SGIP1: variants seen among roughly 807,000 people sequenced by gnomAD.
SGIP1 encodes SH3GL interacting endocytic adaptor 1, also known as SH3-containing GRB2-like protein 3-interacting protein 1.
A neutral mutation model predicts 107.5 loss-of-function variants in SGIP1; 38 were observed. That is an observed-to-expected ratio of 0.35 (90% CI 0.27 to 0.46). The LOEUF is 0.46. Ranked by LOEUF, SGIP1 falls within the 20% of genes least tolerant of loss-of-function variation. The pLI is 1.00. For synonymous variants in SGIP1, 365 were observed against 366.1 expected (o/e 1.00, Z 0.03); for missense variants, 929 against 1,019.5 (o/e 0.91, Z 1.21).
intron 1 of SGIP1, among the ~76,000 whole-genome samples, chr1:66,568,611 G>C (rs1379282560): frequency 6.6e-6 from 1 of 151,976 alleles, no homozygotes; most frequent in Non-Finnish European, 1.5e-5. Context: ...TGCCTACTTA[G>C]TATGATATCA....
intron 4 of SGIP1, 70 bp downstream of exon 4, chr1:66,636,085 A>C: frequency 6.9e-7 from 1 of 1,446,246 alleles, no homozygotes; most frequent in Non-Finnish European, 9.6e-7. Flanking sequence ...TCCCAATTTA[A>C]AATTTGGAAA....
chr1:66,727,251 T>C (rs1275541065), intron 19 of SGIP1, among the ~76,000 whole-genome samples: 2 of 152,166 alleles, frequency 1.3e-5, no homozygotes, highest in African/African-American at 4.8e-5. Flanking sequence ...ATTTAAAAAC[T>C]TGGCAGACAG....
At chr1:66,656,821 G>T (rs6656705) in intron 7 of SGIP1, among the ~76,000 whole-genome samples, 39,969 of 151,920 alleles carry the variant, frequency 0.26, 5,353 homozygotes, top group Admixed American at 0.28. Flanking sequence ...CCAACCAGTC[G>T]TAAATAACTG....
At chr1:66,588,333 G>T (rs1408633361) in intron 1 of SGIP1, among the ~76,000 whole-genome samples, 1 of 152,042 alleles carries the variant, frequency 6.6e-6, no homozygotes, top group Non-Finnish European at 1.5e-5. Flanking sequence ...TAGTATCTCT[G>T]GGAAGGTACT....
intron 1 of SGIP1, among the ~76,000 whole-genome samples, chr1:66,548,493 C>G (rs1374412432): frequency 7.2e-5 from 11 of 151,932 alleles, no homozygotes; most frequent in Admixed American, 7.2e-4. Flanking sequence ...GACATGCTGA[C>G]AGCTGAAAAA....
chr1:66,584,539 G>A (rs567906861), intron 1 of SGIP1, among the ~76,000 whole-genome samples: 18 of 151,172 alleles, frequency 1.2e-4, no homozygotes, highest in African/African-American at 4.1e-4. Flanking sequence ...TGATCTAAAT[G>A]TTCACAAGTT....
At chr1:66,717,816 A>G (rs1328011011) in intron 18 of SGIP1, among the ~76,000 whole-genome samples, 1 of 152,188 alleles carries the variant, frequency 6.6e-6, no homozygotes, top group African/African-American at 2.4e-5. Flanking sequence ...CATAGGCAAT[A>G]TATGTAAAAC....
intron 7 of SGIP1, among the ~76,000 whole-genome samples, chr1:66,645,458 A>T (rs1284130627): frequency 6.6e-6 from 1 of 152,192 alleles, no homozygotes; most frequent in Non-Finnish European, 1.5e-5. Context: ...TAAGATTCTG[A>T]TGAAAAAATG....
chr1:66,708,031 TGCA>T (rs1418954188), intron 18 of SGIP1, among the ~76,000 whole-genome samples: 1 of 152,206 alleles, frequency 6.6e-6, no homozygotes, highest in Non-Finnish European at 1.5e-5. Context: ...ATGCCATGCC[TGCA>T]GCTAGATCTC....
chr1:66,706,156 G>T (rs1182523127), intron 18 of SGIP1, among the ~76,000 whole-genome samples: 1 of 151,436 alleles, frequency 6.6e-6, no homozygotes, highest in African/African-American at 2.4e-5. Context: ...TCTTTTTAAT[G>T]AATTACTGTT....
intron 18 of SGIP1, among the ~76,000 whole-genome samples, chr1:66,713,654 C>T (rs1295823055): frequency 6.6e-6 from 1 of 151,914 alleles, no homozygotes; most frequent in Admixed American, 6.6e-5. Context: ...ATACAATAAA[C>T]TCCATAGGGG....
chr1:66,608,692 C>T (rs1203332224), intron 1 of SGIP1, among the ~76,000 whole-genome samples: 2 of 152,106 alleles, frequency 1.3e-5, no homozygotes, highest in Non-Finnish European at 2.9e-5. Flanking sequence ...CCCCTTGGCT[C>T]ATTCTGATTT....
intron 19 of SGIP1, among the ~76,000 whole-genome samples, chr1:66,721,769 C>T (rs1380955918): frequency 2.0e-5 from 3 of 152,068 alleles, no homozygotes; most frequent in African/African-American, 4.8e-5. Context: ...TGAGTGAAAA[C>T]CGCTGGGGAT....
rs1188238173 is a variant in SGIP1 at position 66,748,327 on chromosome 1, C to T, written c.*5232C>T. 2.6e-5 allele frequency: 4 copies of T among 151,978 alleles called. No homozygotes were observed. Among genetic ancestry groups the T allele is most frequent in the African/African-American group, 7.2e-5 (3 of 41,430 alleles). 9.4% of individuals were successfully genotyped at this position (151,978 alleles called of 1,614,324 possible). A position where few individuals can be genotyped will look rare whatever the true frequency, so the allele number is the denominator to read the frequency against. On this transcript the variant is annotated 3_prime_UTR_variant, in exon 25 of 25. Transcript: ENST00000371037. ...TTGCCTTTCTCTTGTGTCATTGCTT[C>T]AATGTTCTGTCATCTTCTGCAAGCT...
intron 7 of SGIP1, among the ~76,000 whole-genome samples, chr1:66,651,754 G>A (rs17129256): frequency 0.14 from 21,551 of 152,064 alleles, 1,574 homozygotes; most frequent in Admixed American, 0.18. Flanking sequence ...TGCCAGGTCA[G>A]GCTTAAATGC....
At chr1:66,634,300 T>C (rs1030571591) in intron 3 of SGIP1, 8 of 670,234 alleles carry the variant, frequency 1.2e-5, no homozygotes, top group Non-Finnish European at 2.1e-5. Context: ...GGATTGCTAT[T>C]CCTTGCTTCT....
intron 1 of SGIP1, among the ~76,000 whole-genome samples, chr1:66,571,996 T>C (rs1447534847): frequency 3.3e-5 from 5 of 152,042 alleles, no homozygotes; most frequent in African/African-American, 1.2e-4. Flanking sequence ...TATGACTCAC[T>C]TACAGGATTC....
intron 21 of SGIP1, among the ~76,000 whole-genome samples, chr1:66,734,364 G>A (rs950275937): frequency 6.6e-6 from 1 of 151,896 alleles, no homozygotes; most frequent in Admixed American, 6.6e-5. Context: ...TACAATATAT[G>A]AGAACTTTCT....
chr1:66,615,353 G>A (rs894775504), intron 1 of SGIP1, among the ~76,000 whole-genome samples: 2 of 151,948 alleles, frequency 1.3e-5, no homozygotes, highest in African/African-American at 2.4e-5. Flanking sequence ...AACTGTTCTC[G>A]AACTCCTGAC....
Sources: allele counts gnomAD v4.1 joint callset (sites outside exome capture counted in the v4.1 genomes callset), GRCh38; gene constraint gnomAD v4.1.1; transcripts MANE v1.5; gene names NCBI Gene and HGNC (gene_info 2026-07-23, HGNC 2026-07-21).